Variants in MMP16 observed in about 807,000 individuals in gnomAD.
MMP16 encodes the protein matrix metallopeptidase 16, also known as matrix metalloproteinase-16.
Under a neutral mutation model 67.8 loss-of-function variants are expected in MMP16, and 12 were observed. The observed-to-expected ratio is 0.18, with a 90% CI of 0.11 to 0.29. The LOEUF (loss-of-function observed/expected upper bound fraction) is 0.29, where lower values mean the gene tolerates loss of function less well. Ranked by LOEUF, MMP16 falls within the 10% of genes least tolerant of loss-of-function variation. MMP16 has a pLI of 1.00. For synonymous variants in MMP16, 249 were observed against 255.9 expected, an observed-to-expected ratio of 0.97 and a Z score of 0.26; for missense variants, 475 against 765.7, an observed-to-expected ratio of 0.62 and a Z score of 4.48.
At chr8:88,056,587 C>G (rs143543521) in intron 7 of MMP16, among the ~76,000 whole-genome samples, 1 of 152,060 alleles carries the variant, frequency 6.6e-6, no homozygotes, top group East Asian at 1.9e-4. Flanking sequence ...AATTCTGAGT[C>G]AAGGATGAAG....
chr8:88,065,427 G>A (rs1808452072), intron 7 of MMP16, among the ~76,000 whole-genome samples: 1 of 151,986 alleles, frequency 6.6e-6, no homozygotes, highest in African/African-American at 2.4e-5. Context: ...AGCAATTAGA[G>A]TTTCAAATAT....
At chr8:88,279,536 T>C (rs1327249517) in intron 1 of MMP16, among the ~76,000 whole-genome samples, 2 of 152,130 alleles carry the variant, frequency 1.3e-5, no homozygotes, top group Admixed American at 6.6e-5. Flanking sequence ...AGGGGCTAAA[T>C]TGTCACTGCA....
chr8:88,206,003 T>C (rs1038271280), intron 1 of MMP16, among the ~76,000 whole-genome samples: 1 of 152,164 alleles, frequency 6.6e-6, no homozygotes, highest in Admixed American at 6.6e-5. Flanking sequence ...TTATTTCTGC[T>C]GCCACTCCTT....
At chr8:88,110,837 T>A (rs568948624) in intron 6 of MMP16, among the ~76,000 whole-genome samples, 1 of 151,786 alleles carries the variant, frequency 6.6e-6, no homozygotes, top group Admixed American at 6.6e-5. Flanking sequence ...GAATTTGAGT[T>A]AATTAATATG....
intron 6 of MMP16, among the ~76,000 whole-genome samples, chr8:88,103,038 T>C (rs1180753594): frequency 6.6e-6 from 1 of 151,846 alleles, no homozygotes; most frequent in Non-Finnish European, 1.5e-5. Context: ...TGGCATATAA[T>C]ATTCTTTATG....
At chr8:88,163,696 C>A (rs1248887439) in intron 4 of MMP16, among the ~76,000 whole-genome samples, 1 of 152,008 alleles carries the variant, frequency 6.6e-6, no homozygotes, top group African/African-American at 2.4e-5. Context: ...TTAACTTTAA[C>A]CATAGACAAG....
At chr8:88,225,281 C>A (rs898447971) in intron 1 of MMP16, among the ~76,000 whole-genome samples, 8 of 151,988 alleles carry the variant, frequency 5.3e-5, no homozygotes, top group Non-Finnish European at 8.8e-5. Flanking sequence ...TAACACTTCA[C>A]ATGAAATGTT....
At chr8:88,077,292 T>C (rs993847442) in intron 6 of MMP16, among the ~76,000 whole-genome samples, 6 of 152,184 alleles carry the variant, frequency 3.9e-5, no homozygotes, top group African/African-American at 7.2e-5. Flanking sequence ...ATGGTTACTA[T>C]AGACTGCCAT....
At chr8:88,305,059 A>C (rs1811192393) in intron 1 of MMP16, among the ~76,000 whole-genome samples, 1 of 152,164 alleles carries the variant, frequency 6.6e-6, no homozygotes. Flanking sequence ...GACCCATGTA[A>C]AGTGAAAGAC....
intron 6 of MMP16, among the ~76,000 whole-genome samples, chr8:88,090,794 G>C (rs1808920647): frequency 6.6e-6 from 1 of 151,860 alleles, no homozygotes; most frequent in South Asian, 2.1e-4. Context: ...GGTGGGCCTA[G>C]GTAATACTGA....
chr8:88,310,044 C>A lies in MMP16; in HGVS notation c.132+17031G>T, dbSNP rs527751102. Reference sequence around the variant, plus strand: ...GACCTCCAGTGAAATACAAGTAAAACTGTTTTTGCTCTTTTCTAAAAATCA... The same window carrying A: ...GACCTCCAGTGAAATACAAGTAAAAATGTTTTTGCTCTTTTCTAAAAATCA... On this transcript the variant is annotated intron_variant, in intron 1 of 9. Coordinates refer to ENST00000286614, the MANE Select transcript of MMP16 (RefSeq NM_005941.5). Among the ~76,000 whole-genome samples, 4 of 152,150 alleles carry A rather than the reference C, an allele frequency of 2.6e-5. No individual in the cohort carries two copies. In the East Asian group the frequency reaches 7.7e-4, roughly 29 times the overall value.
chr8:88,141,488 T>G (rs554205718), intron 4 of MMP16, among the ~76,000 whole-genome samples: 1 of 152,314 alleles, frequency 6.6e-6, no homozygotes, highest in East Asian at 1.9e-4. Context: ...GCAGCCATCC[T>G]ATCTGGGTAT....
intron 1 of MMP16, among the ~76,000 whole-genome samples, chr8:88,317,924 C>T (rs1483594182): frequency 1.3e-5 from 2 of 152,106 alleles, no homozygotes; most frequent in African/African-American, 4.8e-5. Flanking sequence ...TGATCCATCG[C>T]TGGACTGATC....
chr8:88,197,385 A>G (rs1277102763), intron 1 of MMP16, 79 bp from the exon 2 acceptor site: 7 of 1,260,750 alleles, frequency 5.6e-6, no homozygotes, highest in Non-Finnish European at 7.3e-6. Flanking sequence ...GTATATCTAT[A>G]ATAGAGTTTT....
intron 1 of MMP16, among the ~76,000 whole-genome samples, chr8:88,286,819 C>T (rs1310048566): frequency 1.3e-5 from 2 of 152,116 alleles, no homozygotes; most frequent in Non-Finnish European, 2.9e-5. Context: ...GATCTGCCCA[C>T]CTCAGCCTCC....
At chr8:88,131,270 C>T (rs1439004088) in intron 4 of MMP16, among the ~76,000 whole-genome samples, 1 of 147,450 alleles carries the variant, frequency 6.8e-6, no homozygotes, top group Non-Finnish European at 1.5e-5. Context: ...TAGTATTATA[C>T]ACACACACAC....
At position 88,074,671 on chromosome 8, in the gene MMP16, G is replaced by A. The variant is rs760308984; in HGVS notation, c.1156C>T (p.Arg386Trp). 4.3e-6 allele frequency: 7 copies of A among 1,613,488 alleles called. No individual in the cohort carries two copies. Among genetic ancestry groups the A allele is most frequent in the Non-Finnish European group, 5.9e-6 (7 of 1,179,732 alleles). ...GYPMQITYFW[R>W]GLPPSIDAVY... ...GCATCGATACTAGGAGGCAAGCCCC[G>A]CCAGAAGTAAGTAATTTGCATTGGG... Residue 386 changes from arginine (R) to tryptophan (W), a missense_variant, in exon 7 of 10, where the codon CGG (arginine) becomes TGG (tryptophan). Arg to Trp is a moderately radical substitution (Grantham distance 101). Transcript: ENST00000286614.
rs76253508 is a variant in MMP16, at chr8:88,321,224, T to C, written c.132+5851A>G. Among the ~76,000 whole-genome samples, 1,494 of 152,216 alleles carry C rather than the reference T, an allele frequency of 9.8e-3. 22 individuals carry two copies. Among genetic ancestry groups the C allele is most frequent in the African/African-American group, 0.034 (1,411 of 41,532 alleles). ...CACATGCCCAAATTATTTCCCACAA[T>C]GGGCAAATGGAGAATACAGTATAAG... On this transcript the variant is annotated intron_variant, in intron 1 of 9. Coordinates refer to ENST00000286614, the MANE Select transcript of MMP16 (RefSeq NM_005941.5).
rs186508451 is a variant in MMP16 at position 88,306,088 on chromosome 8, G to T, written c.132+20987C>A. Among the ~76,000 whole-genome samples the T allele has an allele frequency of 3.2e-4, 49 of 151,478 alleles. 1 individual carries two copies. Among genetic ancestry groups the T allele is most frequent in the African/African-American group, 1.1e-3 (47 of 41,346 alleles). Reference sequence around the variant, plus strand: ...GAGAAGAATCAAATAAACAGAATTAGAAATGATAAGGGGGATGTCACCATT... The same window carrying T: ...GAGAAGAATCAAATAAACAGAATTATAAATGATAAGGGGGATGTCACCATT... On this transcript the variant is annotated intron_variant, in intron 1 of 9. Coordinates refer to ENST00000286614, the MANE Select transcript of MMP16 (RefSeq NM_005941.5).
Sources: gnomAD v4.1 joint callset for allele counts (sites outside exome capture counted in the v4.1 genomes callset) on GRCh38, gnomAD v4.1.1 for gene constraint, MANE v1.5 for transcripts, NCBI Gene and HGNC (gene_info 2026-07-23, HGNC 2026-07-21) for gene names.